NLRP5: variants seen among roughly 807,000 people sequenced by gnomAD.
NLRP5 encodes the protein NACHT, LRR and PYD domains-containing protein 5.
In NLRP5, 93 loss-of-function variants were observed where a neutral mutation model predicts 113.1. That is an observed-to-expected ratio of 0.82 (90% CI 0.70 to 0.98). The LOEUF (loss-of-function observed/expected upper bound fraction) is 0.98. Among genes scored for constraint, NLRP5 ranks in the 50% least tolerant of loss-of-function variants. The pLI, the probability that NLRP5 is intolerant of heterozygous loss-of-function variation, is 0.00. For synonymous variants in NLRP5, 751 were observed against 600.7 expected (o/e 1.25, Z -3.66); for missense variants, 1,808 against 1,514.3 (o/e 1.19, Z -3.22).
intron 1 of NLRP5, among the ~76,000 whole-genome samples, chr19:56,000,424 G>T (rs528090631): frequency 9.2e-5 from 14 of 152,070 alleles, no homozygotes; most frequent in African/African-American, 3.4e-4. Flanking sequence ...GAGTGCAGTG[G>T]CACGATCTTG....
chr19:56,053,582 C>G, intron 12 of NLRP5, 56 bp from the exon 13 acceptor site: 1 of 1,497,036 alleles, frequency 6.7e-7, no homozygotes, highest in Non-Finnish European at 9.1e-7. Flanking sequence ...AACCTTCTCC[C>G]GCTGTTCCAC....
intron 8 of NLRP5, among the ~76,000 whole-genome samples, chr19:56,032,995 C>T (rs888484512): frequency 2.6e-5 from 4 of 152,138 alleles, no homozygotes; most frequent in African/African-American, 9.7e-5. Context: ...CCTGTAATCC[C>T]AGCACTTTGG....
chr19:56,005,941 T>A (rs1018530813), intron 2 of NLRP5, among the ~76,000 whole-genome samples: 1 of 152,130 alleles, frequency 6.6e-6, no homozygotes, highest in African/African-American at 2.4e-5. Context: ...TTGACCAACT[T>A]CATGGGCTAA....
chr19:56,013,815 C>T (rs969320281), intron 3 of NLRP5, among the ~76,000 whole-genome samples: 1 of 151,928 alleles, frequency 6.6e-6, no homozygotes, highest in Non-Finnish European at 1.5e-5. Flanking sequence ...TTAATGAAAG[C>T]TACAGTAACG....
chr19:56,043,025 G>A (rs972625511), intron 11 of NLRP5, among the ~76,000 whole-genome samples: 3 of 152,102 alleles, frequency 2.0e-5, no homozygotes, highest in African/African-American at 7.2e-5. Flanking sequence ...ATTTGGGTTG[G>A]TTCCACGATT....
intron 13 of NLRP5, among the ~76,000 whole-genome samples, chr19:56,056,388 C>G (rs545033131): frequency 1.3e-5 from 2 of 152,126 alleles, no homozygotes; most frequent in South Asian, 4.2e-4. Context: ...AAAACCCCAT[C>G]TCTACTAAAA....
upstream of NLRP5, among the ~76,000 whole-genome samples, chr19:55,998,696 ATATATATGTG>A (rs1353682234): frequency 1.2e-4 from 7 of 60,596 alleles, no homozygotes; most frequent in African/African-American, 4.4e-4. Context: ...ATATATATAT[ATATATATGTG>A]TGTGTGTGTA....
intron 11 of NLRP5, among the ~76,000 whole-genome samples, chr19:56,049,530 G>T (rs1234571392): frequency 6.7e-6 from 1 of 150,168 alleles, no homozygotes; most frequent in Admixed American, 6.7e-5. Flanking sequence ...GGATGGTCTC[G>T]AACTCTTGAC....
Position 56,061,473 on chromosome 19 carries a change from T to A in NLRP5, c.3548T>A (p.Ile1183Asn). 1 of 1,614,028 alleles carries A rather than the reference T, an allele frequency of 6.2e-7. No homozygotes were observed. Among genetic ancestry groups the A allele is most frequent in the South Asian group, 1.1e-5 (1 of 91,086 alleles). ...CAGCTACTCAAGCCCCGAGTCGTAA[T>A]TGACGGTAGTTGGCATTCTTTTGAT... The change falls in exon 15 of 15, where the codon ATT becomes AAT. Residue 1183 changes from isoleucine to asparagine, a missense_variant. Ile to Asn is a moderately radical substitution (Grantham distance 149, BLOSUM62 -3). Coordinates refer to ENST00000390649, the MANE Select transcript of NLRP5 (RefSeq NM_153447.4).
At chr19:56,034,664 GT>G (rs1983246337) in intron 9 of NLRP5, among the ~76,000 whole-genome samples, 1 of 152,148 alleles carries the variant, frequency 6.6e-6, no homozygotes, top group Non-Finnish European at 1.5e-5. Context: ...AGTGAAATCG[GT>G]GTGGTACATC....
At chr19:56,003,681 C>T (rs773585087) in intron 1 of NLRP5, 55 bp from the exon 2 acceptor site, 13 of 1,552,062 alleles carry the variant, frequency 8.4e-6, no homozygotes, top group Middle Eastern at 3.5e-4. Context: ...TTAGTTGTAT[C>T]TACTTGAGAA....
At chr19:56,019,588 G>A (rs56023621) in intron 5 of NLRP5, among the ~76,000 whole-genome samples, 190 bp downstream of exon 5, 4,006 of 151,888 alleles carry the variant, frequency 0.026, 116 homozygotes, top group African/African-American at 0.092. Context: ...AGTTCACTGT[G>A]ATTATCTACA....
chr19:56,048,983 T>TA (rs1983828833), intron 11 of NLRP5, among the ~76,000 whole-genome samples: 1 of 131,054 alleles, frequency 7.6e-6, no homozygotes, highest in African/African-American at 2.9e-5. Flanking sequence ...TTTTTAATTT[T>TA]TTTTTTTTTT....
chr19:55,996,370 A>G (rs571350141), upstream of NLRP5, among the ~76,000 whole-genome samples: 2 of 152,142 alleles, frequency 1.3e-5, no homozygotes, highest in South Asian at 4.1e-4. Context: ...TTTCTTTTAT[A>G]CTTTAAGTTC....
intron 13 of NLRP5, among the ~76,000 whole-genome samples, chr19:56,056,855 T>C (rs1178064312): frequency 6.6e-6 from 1 of 151,894 alleles, no homozygotes; most frequent in Non-Finnish European, 1.5e-5. Context: ...TCATAAGAAT[T>C]CCAGCCGGGT....
intron 3 of NLRP5, among the ~76,000 whole-genome samples, chr19:56,012,654 CGAT>C (rs1982243751): frequency 1.4e-5 from 1 of 69,274 alleles, no homozygotes; most frequent in Non-Finnish European, 3.7e-5. Context: ...TAATTTGGAA[CGAT>C]CTTACAATTA....
At position 56,027,929 on chromosome 19, in the gene NLRP5, C is replaced by A; in HGVS notation, c.1696C>A (p.His566Asn). The stretch of plus-strand genomic sequence containing the variant: ...GGAGTCTGAGCTCCGTGCTCTGTTT[C>A]ACATGAACATCCTTCTCCCAGACAG... The change falls in exon 7 of 15, where the codon CAC becomes AAC. Residue 566 changes from histidine (H) to asparagine (N), a missense_variant. Coordinates refer to ENST00000390649, the MANE Select transcript of NLRP5 (RefSeq NM_153447.4). 1 of 1,613,862 alleles carries A rather than the reference C, an allele frequency of 6.2e-7. No individual in the cohort carries two copies. Among genetic ancestry groups the A allele is most frequent in the Non-Finnish European group, 8.5e-7 (1 of 1,179,834 alleles).
chr19:56,023,573 ATAT>A (rs2123297712), intron 6 of NLRP5, among the ~76,000 whole-genome samples: 1 of 152,212 alleles, frequency 6.6e-6, no homozygotes, highest in East Asian at 1.9e-4. Context: ...ATCGTGTTAG[ATAT>A]TATAAGTAGC....
At position 56,028,176 on chromosome 19, in the gene NLRP5, C is replaced by T. The variant is rs775195805; in HGVS notation, c.1943C>T (p.Pro648Leu). ...CTCGTGAGCGAAGACGTAAGGAGGCCACTGGAGGTCCTGCTGGGCTGTCCC... is the reference window on the plus strand; with the variant it reads ...CTCGTGAGCGAAGACGTAAGGAGGCTACTGGAGGTCCTGCTGGGCTGTCCC... Residue 648 changes from proline to leucine, a missense_variant, in exon 7 of 15, where the codon CCA becomes CTA. Physicochemically the swap from Pro to Leu is moderately conservative, Grantham distance 98 (BLOSUM62 -3). Coordinates refer to ENST00000390649, the MANE Select transcript of NLRP5 (RefSeq NM_153447.4). 3.7e-6 allele frequency: 6 copies of T among 1,613,978 alleles called. No individual in the cohort carries two copies. The highest frequency in any genetic ancestry group is 1.7e-5 in the Admixed American group (1 of 60,016).
Sources: gnomAD v4.1 joint callset for allele counts (sites outside exome capture counted in the v4.1 genomes callset) on GRCh38, gnomAD v4.1.1 for gene constraint, MANE v1.5 for transcripts, NCBI Gene and HGNC (gene_info 2026-07-23, HGNC 2026-07-21) for gene names.